The following NUDCD3 variants were observed in gnomAD, a reference collection of about 807,000 sequenced individuals.
The protein encoded by NUDCD3 is NudC domain containing 3.
Under a neutral mutation model 39.7 loss-of-function variants are expected in NUDCD3, and 13 were observed. The ratio of observed to expected loss-of-function variants is 0.33; its 90% confidence interval spans 0.21 to 0.52. The LOEUF is 0.52. Ranked by LOEUF, NUDCD3 falls within the 20% of genes least tolerant of loss-of-function variation. NUDCD3 has a pLI of 0.96. For synonymous variants in NUDCD3, 175 were observed against 172.4 expected, an observed-to-expected ratio of 1.02 and a Z score of -0.12; for missense variants, 453 against 458.1, an observed-to-expected ratio of 0.99 and a Z score of 0.10.
At chr7:44,480,188 T>A (rs1482862730) in intron 2 of NUDCD3, among the ~76,000 whole-genome samples, 1 of 152,164 alleles carries the variant, frequency 6.6e-6, no homozygotes, top group African/African-American at 2.4e-5. Context: ...TAAAATAGGG[T>A]CTCTACAAAA....
chr7:44,471,387 A>G (rs914263653), intron 2 of NUDCD3, among the ~76,000 whole-genome samples: 4 of 152,134 alleles, frequency 2.6e-5, no homozygotes, highest in African/African-American at 9.7e-5. Context: ...AGTATTTTCA[A>G]TCCAAGGTTG....
At chr7:44,432,595 C>T (rs994287409) in intron 2 of NUDCD3, among the ~76,000 whole-genome samples, 2 of 152,214 alleles carry the variant, frequency 1.3e-5, no homozygotes, top group Admixed American at 6.5e-5. Flanking sequence ...ACTTCCCGCC[C>T]CCTGGGGCTC....
chr7:44,406,460 C>T, intron 3 of NUDCD3, among the ~76,000 whole-genome samples: 1 of 152,222 alleles, frequency 6.6e-6, no homozygotes. Flanking sequence ...CATGTCTAAC[C>T]ATGAACTTGT....
chr7:44,482,248 A>T (rs1003292745), intron 2 of NUDCD3, among the ~76,000 whole-genome samples: 1 of 152,230 alleles, frequency 6.6e-6, no homozygotes, highest in Non-Finnish European at 1.5e-5. Context: ...TGAGACAAGT[A>T]GGAAACCTGG....
At chr7:44,408,787 C>T (rs930163299) in intron 3 of NUDCD3, among the ~76,000 whole-genome samples, 1 of 152,206 alleles carries the variant, frequency 6.6e-6, no homozygotes. Context: ...TCCCCACTCT[C>T]CAGGCTCTCA....
chr7:44,380,056 T>C lies in NUDCD3; in HGVS notation c.*5955A>G, dbSNP rs1234903116. ...CTACCAGGTCCACCTGCTTTAGGTA[T>C]ACCTTCCTACCAGGACATGAGAGCC... On this transcript the variant is annotated 3_prime_UTR_variant, in exon 6 of 6. Transcript: ENST00000355451. 2.6e-5 allele frequency: 4 copies of C among 152,242 alleles called. No individual in the cohort carries two copies. Among genetic ancestry groups the C allele is most frequent in the African/African-American group, 9.7e-5 (4 of 41,442 alleles). 9.4% of individuals were successfully genotyped at this position (152,242 alleles called of 1,614,324 possible).
At chr7:44,467,340 C>T (rs1440678791) in intron 2 of NUDCD3, among the ~76,000 whole-genome samples, 2 of 152,154 alleles carry the variant, frequency 1.3e-5, no homozygotes, top group East Asian at 3.9e-4. Flanking sequence ...ATGGGAACGG[C>T]GAAGCGCCCA....
chr7:44,387,139 T>C (rs561164387), intron 5 of NUDCD3, among the ~76,000 whole-genome samples: 1 of 152,296 alleles, frequency 6.6e-6, no homozygotes, highest in East Asian at 1.9e-4. Flanking sequence ...AACATAATCT[T>C]CCTAACAAGA....
intron 2 of NUDCD3, among the ~76,000 whole-genome samples, chr7:44,437,205 G>C (rs1231009818): frequency 6.6e-6 from 1 of 151,708 alleles, no homozygotes; most frequent in East Asian, 1.9e-4. Flanking sequence ...AAGTAGCTGG[G>C]ATTACAGGTG....
chr7:44,474,979 C>G (rs1240547512), intron 2 of NUDCD3, among the ~76,000 whole-genome samples: 1 of 152,242 alleles, frequency 6.6e-6, no homozygotes, highest in African/African-American at 2.4e-5. Flanking sequence ...GGGAAACAGA[C>G]AGACATCCCT....
chr7:44,433,786 T>C (rs1202651911), intron 2 of NUDCD3, among the ~76,000 whole-genome samples: 1 of 152,158 alleles, frequency 6.6e-6, no homozygotes, highest in African/African-American at 2.4e-5. Flanking sequence ...GCCACTGTGA[T>C]TACATTATTC....
In NUDCD3 at chr7:44,389,561, GGA is replaced by G. The variant is rs1798471110; in HGVS notation, c.975+2734_975+2735del. Among the ~76,000 whole-genome samples the G allele has an allele frequency of 2.0e-5, 3 of 152,198 alleles. No individual in the cohort carries two copies. The South Asian group carries it at 6.2e-4, about 31-fold the overall frequency. ...AAGGAGGCCTTAGGCCTCCAGAAATGGAGAGACAAGAGCAGCTGCTTCCTGGG... is the reference window on the plus strand; with the variant it reads ...AAGGAGGCCTTAGGCCTCCAGAAATGGAGACAAGAGCAGCTGCTTCCTGGG... On this transcript the variant is annotated intron_variant, in intron 5 of 5. Coordinates refer to ENST00000355451, the MANE Select transcript of NUDCD3 (RefSeq NM_015332.4).
intron 2 of NUDCD3, among the ~76,000 whole-genome samples, chr7:44,434,624 T>C (rs1398164037): frequency 6.6e-6 from 1 of 152,210 alleles, no homozygotes; most frequent in Non-Finnish European, 1.5e-5. Flanking sequence ...CACAAAAGGT[T>C]TGATGCCAAT....
At chr7:44,396,087 T>TTGTG (rs10585173) in intron 4 of NUDCD3, among the ~76,000 whole-genome samples, 14,748 of 144,908 alleles carry the variant, frequency 0.1, 1,071 homozygotes, top group African/African-American at 0.23. Context: ...TTATCTTCTG[T>TTGTG]TGTGTGTGTG....
At chr7:44,420,126 TA>T (rs532332623) in intron 3 of NUDCD3, among the ~76,000 whole-genome samples, 54 of 152,112 alleles carry the variant, frequency 3.6e-4, no homozygotes, top group African/African-American at 1.2e-3. Flanking sequence ...AACTGCTAAC[TA>T]GAATAACCAG....
At chr7:44,445,448 T>A (rs1799674429) in intron 2 of NUDCD3, among the ~76,000 whole-genome samples, 1 of 152,216 alleles carries the variant, frequency 6.6e-6, no homozygotes, top group Non-Finnish European at 1.5e-5. Flanking sequence ...AATATCAGCA[T>A]CCCTTTAATG....
chr7:44,447,123 G>T (rs1052625254), intron 2 of NUDCD3, among the ~76,000 whole-genome samples: 1 of 152,196 alleles, frequency 6.6e-6, no homozygotes, highest in Admixed American at 6.5e-5. Flanking sequence ...CTAGGGGCAG[G>T]CCTGGTAGGA....
At chr7:44,398,365 G>C (rs528162749) in intron 4 of NUDCD3, among the ~76,000 whole-genome samples, 1 of 152,284 alleles carries the variant, frequency 6.6e-6, no homozygotes, top group South Asian at 2.1e-4. Flanking sequence ...AATTATGTTG[G>C]TGTGAAACAA....
At chr7:44,441,420 TC>T (rs1440861682) in intron 2 of NUDCD3, among the ~76,000 whole-genome samples, 3 of 152,154 alleles carry the variant, frequency 2.0e-5, no homozygotes, top group Non-Finnish European at 4.4e-5. Context: ...AACCACCCAG[TC>T]TTCCAGGGAG....
Sources: allele counts gnomAD v4.1 joint callset (sites outside exome capture counted in the v4.1 genomes callset), GRCh38; gene constraint gnomAD v4.1.1; transcripts MANE v1.5; gene names NCBI Gene and HGNC (gene_info 2026-07-23, HGNC 2026-07-21).